Variants in XRCC4 observed in about 807,000 individuals in gnomAD.
XRCC4 encodes the protein X-ray repair cross complementing 4, also known as DNA repair protein XRCC4.
A neutral mutation model predicts 39.1 loss-of-function variants in XRCC4; 28 were observed. The observed-to-expected ratio is 0.72, with a 90% CI of 0.53 to 0.98. XRCC4 has a LOEUF of 0.98. XRCC4 is among the 50% of genes least tolerant of loss of function. The pLI is 0.00. For missense variants in XRCC4, 350 were observed against 376.4 expected (o/e 0.93, Z 0.58); for synonymous variants, 123 against 126.4 (o/e 0.97, Z 0.18).
intron 7 of XRCC4, among the ~76,000 whole-genome samples, chr5:83,290,180 A>T (rs1164845255): frequency 1.3e-5 from 2 of 151,200 alleles, no homozygotes. Flanking sequence ...TAATTGGTAT[A>T]AAAAAAGTAA....
intron 7 of XRCC4, among the ~76,000 whole-genome samples, chr5:83,335,635 C>A (rs921235286): frequency 7.9e-5 from 12 of 151,886 alleles, no homozygotes; most frequent in African/African-American, 2.7e-4. Flanking sequence ...TGTTGTTTAT[C>A]TTTTCATCTC....
At chr5:83,325,830 G>C (rs1241562176) in intron 7 of XRCC4, among the ~76,000 whole-genome samples, 1 of 152,014 alleles carries the variant, frequency 6.6e-6, no homozygotes, top group African/African-American at 2.4e-5. Context: ...ATACAGTAAT[G>C]GGATTGCTGG....
chr5:83,240,627 A>C (rs932690563), intron 6 of XRCC4, among the ~76,000 whole-genome samples: 2 of 152,314 alleles, frequency 1.3e-5, no homozygotes, highest in African/African-American at 4.8e-5. Context: ...CCACACAAAA[A>C]AATGTCCAGG....
At chr5:83,172,676 G>A (rs1234700099) in intron 3 of XRCC4, among the ~76,000 whole-genome samples, 2 of 152,048 alleles carry the variant, frequency 1.3e-5, no homozygotes, top group Non-Finnish European at 2.9e-5. Flanking sequence ...ATTTTTTCAT[G>A]AAATTAGAAG....
chr5:83,155,741 C>T (rs1049018658), intron 3 of XRCC4, among the ~76,000 whole-genome samples: 1 of 151,920 alleles, frequency 6.6e-6, no homozygotes, highest in African/African-American at 2.4e-5. Context: ...ACATTTACAC[C>T]AGTTTAATGT....
At chr5:83,151,267 A>C (rs1394608173) in intron 3 of XRCC4, among the ~76,000 whole-genome samples, 1 of 152,144 alleles carries the variant, frequency 6.6e-6, no homozygotes, top group East Asian at 1.9e-4. Context: ...TTTTATATGA[A>C]TAGTTTATAG....
intron 7 of XRCC4, among the ~76,000 whole-genome samples, chr5:83,321,316 T>A (rs1756065924): frequency 6.6e-6 from 1 of 152,188 alleles, no homozygotes; most frequent in South Asian, 2.1e-4. Context: ...TTGCAGTAAG[T>A]TTATATCAGT....
chr5:83,175,882 T>C (rs1349689964), intron 3 of XRCC4, among the ~76,000 whole-genome samples: 1 of 152,142 alleles, frequency 6.6e-6, no homozygotes, highest in East Asian at 1.9e-4. Context: ...GTGCTAGGAT[T>C]ATAGGCGTGA....
intron 7 of XRCC4, among the ~76,000 whole-genome samples, chr5:83,344,607 A>G (rs1162910876): frequency 6.6e-6 from 1 of 152,048 alleles, no homozygotes; most frequent in Non-Finnish European, 1.5e-5. Context: ...GTATAACTGT[A>G]TAATCTAGTC....
At chr5:83,289,697 T>C (rs72769342) in intron 7 of XRCC4, among the ~76,000 whole-genome samples, 2,423 of 151,930 alleles carry the variant, frequency 0.016, 35 homozygotes, top group Non-Finnish European at 0.026. Flanking sequence ...TCTACAAGTA[T>C]TTCTCTGGTG....
intron 3 of XRCC4, among the ~76,000 whole-genome samples, chr5:83,138,003 A>G (rs759431097): frequency 3.3e-5 from 5 of 152,172 alleles, no homozygotes; most frequent in East Asian, 3.8e-4. Flanking sequence ...TTCTAATCAT[A>G]TATTTCTCAG....
chr5:83,284,696 T>C (rs1191918136), intron 7 of XRCC4, among the ~76,000 whole-genome samples: 1 of 152,154 alleles, frequency 6.6e-6, no homozygotes, highest in African/African-American at 2.4e-5. Context: ...TATTTTCTCA[T>C]GATTAAACCT....
chr5:83,330,464 A>G (rs1384395083), intron 7 of XRCC4, among the ~76,000 whole-genome samples: 1 of 152,030 alleles, frequency 6.6e-6, no homozygotes, highest in African/African-American at 2.4e-5. Context: ...TTCCATTTTT[A>G]TAAAGCTCAA....
rs538854361 is a variant in XRCC4, at chr5:83,240,551, G to T, written c.746-17979G>T. ...GGTTTCTAGCTTAAACTAATAGGTA[G>T]ATAGTAAAGATAGTAATCAAAACTA... On this transcript the variant is annotated intron_variant, in intron 6 of 7. Coordinates refer to ENST00000396027, the MANE Select transcript of XRCC4 (RefSeq NM_003401.5). 4.6e-5 allele frequency among the ~76,000 whole-genome samples: 7 copies of T among 152,222 alleles called. No individual in the cohort carries two copies. In the South Asian group the frequency reaches 1.5e-3, roughly 32 times the overall value.
intron 7 of XRCC4, among the ~76,000 whole-genome samples, chr5:83,285,198 C>CA (rs1754691586): frequency 6.6e-6 from 1 of 151,804 alleles, no homozygotes; most frequent in Admixed American, 6.6e-5. Context: ...ATAATATAAA[C>CA]AAAAAATACC....
At chr5:83,246,955 A>C (rs1275361654) in intron 6 of XRCC4, among the ~76,000 whole-genome samples, 3 of 152,210 alleles carry the variant, frequency 2.0e-5, no homozygotes, top group African/African-American at 7.2e-5. Flanking sequence ...GCTGTTTATG[A>C]ATCATAGTGG....
intron 3 of XRCC4, among the ~76,000 whole-genome samples, chr5:83,133,902 C>T (rs1272936117): frequency 6.6e-6 from 1 of 152,204 alleles, no homozygotes; most frequent in Non-Finnish European, 1.5e-5. Flanking sequence ...CTCTCTGGTG[C>T]TTGCCAAGGC....
At chr5:83,236,311 A>G (rs1752685489) in intron 6 of XRCC4, among the ~76,000 whole-genome samples, 1 of 152,188 alleles carries the variant, frequency 6.6e-6, no homozygotes, top group African/African-American at 2.4e-5. Flanking sequence ...CCTTACTTCA[A>G]ATTATACTAC....
At chr5:83,102,292 C>T (rs1745979260) in intron 1 of XRCC4, among the ~76,000 whole-genome samples, 1 of 152,048 alleles carries the variant, frequency 6.6e-6, no homozygotes, top group Admixed American at 6.6e-5. Flanking sequence ...CTTATAAGAA[C>T]TGTTTTGACT....
Sources: gnomAD v4.1 joint callset for allele counts (sites outside exome capture counted in the v4.1 genomes callset) on GRCh38, gnomAD v4.1.1 for gene constraint, MANE v1.5 for transcripts, NCBI Gene and HGNC (gene_info 2026-07-23, HGNC 2026-07-21) for gene names.